Variants in AKAP11 observed in about 807,000 individuals in gnomAD.
AKAP11 encodes A-kinase anchoring protein 11.
AKAP11 carries 36 observed loss-of-function variants against 146.1 expected under a neutral mutation model. The observed-to-expected ratio is 0.25, with a 90% CI of 0.19 to 0.33. The LOEUF (loss-of-function observed/expected upper bound fraction) is 0.33. Among genes scored for constraint, AKAP11 ranks in the 10% least tolerant of loss-of-function variants. AKAP11 has a pLI of 1.00. For synonymous variants in AKAP11, 780 were observed against 786.5 expected (o/e 0.99, Z 0.14); for missense variants, 2,201 against 2,197.0 (o/e 1.00, Z -0.04).
In AKAP11 at chr13:42,298,587, C is replaced by G. The variant is rs759263912; in HGVS notation, c.406C>G (p.Leu136Val). The part of the protein sequence containing the change: ...VMRVSPTSPR[L>V]RIDFIFSLLS... ...GAGAGTGTCACCTACATCACCAAGA[C>G]TTAGGATTGATTTTATCTTTAGTCT... The change falls in exon 7 of 13, where the codon CTT (leucine) becomes GTT (valine). Residue 136 changes from leucine (L) to valine (V), a missense_variant. Physicochemically the swap from Leu to Val is conservative, Grantham distance 32 (BLOSUM62 1). This residue lies in a region of AKAP11 where 331 missense variants were observed against 347.4 expected (regional missense o/e 0.95). Coordinates refer to ENST00000025301, the MANE Select transcript of AKAP11 (RefSeq NM_016248.4). The G allele has an allele frequency of 1.1e-5, 17 of 1,612,636 alleles. No individual in the cohort carries two copies. In the East Asian group the frequency reaches 3.8e-4, roughly 36 times the overall value.
At chr13:42,284,708 T>C (rs1480455867) in intron 1 of AKAP11, among the ~76,000 whole-genome samples, 2 of 152,218 alleles carry the variant, frequency 1.3e-5, no homozygotes, top group East Asian at 3.8e-4. Context: ...GTAAATACGG[T>C]ATCATATACA....
At chr13:42,311,108 C>A (rs1960540277) in intron 9 of AKAP11, among the ~76,000 whole-genome samples, 1 of 152,072 alleles carries the variant, frequency 6.6e-6, no homozygotes. Flanking sequence ...GCCAGATTTG[C>A]AGAATGTTTC....
intron 9 of AKAP11, among the ~76,000 whole-genome samples, chr13:42,309,529 A>G (rs1960446613): frequency 6.6e-6 from 1 of 152,182 alleles, no homozygotes; most frequent in South Asian, 2.1e-4. Context: ...TTTTCACCTG[A>G]TAGAACACTT....
chr13:42,313,055 A>ACAG lies in AKAP11; in HGVS notation c.5286_5288dup (p.Ser1764dup). Reference sequence around the variant, plus strand: ...TTTTCTTCCTCTGGCAGTAATGGTAACAGCAGTAGCTGGAGCAGTCTTGGT... The same window carrying ACAG: ...TTTTCTTCCTCTGGCAGTAATGGTAACAGCAGCAGTAGCTGGAGCAGTCTTGGT... On this transcript the variant is annotated inframe_insertion, in exon 10 of 13. Transcript: ENST00000025301. The ACAG allele has an allele frequency of 6.2e-7, 1 of 1,612,892 alleles. No individual in the cohort carries two copies. Among genetic ancestry groups the ACAG allele is most frequent in the Non-Finnish European group, 8.5e-7 (1 of 1,179,454 alleles).
Position 42,299,374 on chromosome 13 carries a change from A to G in AKAP11, c.628A>G (p.Thr210Ala). 6.2e-7 allele frequency: 1 copy of G among 1,610,758 alleles called. No individual in the cohort carries two copies. Among genetic ancestry groups the G allele is most frequent in the Non-Finnish European group, 8.5e-7 (1 of 1,178,714 alleles). The change falls in exon 8 of 13, where the codon ACT (threonine) becomes GCT (alanine). Residue 210 changes from threonine to alanine, a missense_variant. Transcript: ENST00000025301. The part of the protein sequence containing the change: ...SKPYNDGMNI[T>A]VLRSQCDAAS... Reference sequence around the variant, plus strand: ...TTCTTTTCCTATAGGAATGAACATTACTGTGCTAAGGAGCCAGTGTGATGC... The same window carrying G: ...TTCTTTTCCTATAGGAATGAACATTGCTGTGCTAAGGAGCCAGTGTGATGC...
rs1959984332 is a variant in AKAP11, at chr13:42,302,449, G to T, written c.3703G>T (p.Val1235Leu). ...EPKVKNPCLN[V>L]QSQRSVSPTF... ...CAAGGTTAAAAACCCTTGCTTAAAT[G>T]TGCAAAGTCAAAGAAGTGTGTCGCC... The change falls in exon 8 of 13, where the codon GTG becomes TTG. Residue 1235 changes from valine to leucine, a missense_variant. Physicochemically the swap from Val to Leu is conservative, Grantham distance 32. Transcript: ENST00000025301. The T allele has an allele frequency of 1.2e-6, 2 of 1,614,172 alleles. No individual in the cohort carries two copies. Among genetic ancestry groups the T allele is most frequent in the Admixed American group, 3.3e-5 (2 of 60,030 alleles).
chr13:42,287,179 G>C (rs561660856), intron 3 of AKAP11, among the ~76,000 whole-genome samples: 1 of 152,262 alleles, frequency 6.6e-6, no homozygotes, highest in South Asian at 2.1e-4. Flanking sequence ...TTTATGTAGA[G>C]AGCTAAAAGA....
chr13:42,316,717 G>A (rs1594363358), intron 11 of AKAP11, among the ~76,000 whole-genome samples: 1 of 152,212 alleles, frequency 6.6e-6, no homozygotes, highest in East Asian at 1.9e-4. Context: ...CTTTGCCTCA[G>A]ATCTCTCACC....
Position 42,300,249 on chromosome 13 carries a change from C to A in AKAP11, c.1503C>A (p.Gly501=), listed in dbSNP as rs1282195354. Residue 501 remains glycine (G), a synonymous_variant, in exon 8 of 13, where the codon GGC becomes GGA. Transcript: ENST00000025301. The stretch of plus-strand genomic sequence containing the variant: ...AAAGCATTTCATGTGAAGTACTAGG[C>A]TCAGTTCTTCGTACCCACCATACTA... ...YAKSISCEVL[G]SVLRTHHTNT... is the part of the protein sequence containing the mutation. 1 of 1,613,858 alleles carries A rather than the reference C, an allele frequency of 6.2e-7. No individual in the cohort carries two copies. Among genetic ancestry groups the A allele is most frequent in the Non-Finnish European group, 8.5e-7 (1 of 1,179,858 alleles).
intron 11 of AKAP11, among the ~76,000 whole-genome samples, chr13:42,315,861 T>A (rs1043223837): frequency 1.1e-4 from 17 of 152,256 alleles, no homozygotes; most frequent in East Asian, 1.9e-4. Context: ...CTTATTTTTT[T>A]AAAAAAATAA....
In AKAP11 at chr13:42,319,207, T is replaced by C. The variant is rs760344920; in HGVS notation, c.5685T>C (p.Asp1895=). The change falls in exon 13 of 13, where the codon GAT becomes GAC. Residue 1895 remains aspartate, a synonymous_variant. Coordinates refer to ENST00000025301, the MANE Select transcript of AKAP11 (RefSeq NM_016248.4). ...AGGAGAGATGCAAGTCGCTGTTTGA[T>C]TGGCTCTTGGAAAATGCATAGAGCA... ...SSEERCKSLF[D]WLLENA is the part of the protein sequence containing the mutation. 7 of 1,613,840 alleles carry C rather than the reference T, an allele frequency of 4.3e-6. No homozygotes were observed. Among genetic ancestry groups the C allele is most frequent in the African/African-American group, 4.0e-5 (3 of 74,936 alleles).
rs149629299 is a variant in AKAP11, at chr13:42,315,642, G to A, written c.5404+1702G>A. On this transcript the variant is annotated intron_variant, in intron 11 of 12. Coordinates refer to ENST00000025301, the MANE Select transcript of AKAP11 (RefSeq NM_016248.4). ...AAAGATTACTTTTGGCACTAACCAG[G>A]CTGTTAAGGATTTCTTTTGTAGTTG... is the stretch of plus-strand genomic sequence containing the variant. Among the ~76,000 whole-genome samples, 1,234 of 152,182 alleles carry A rather than the reference G, an allele frequency of 8.1e-3. 11 individuals are homozygous for A. Among genetic ancestry groups the A allele is most frequent in the South Asian group, 0.035 (169 of 4,808 alleles).
At chr13:42,294,463 C>T (rs939411693) in intron 4 of AKAP11, among the ~76,000 whole-genome samples, 5 of 151,828 alleles carry the variant, frequency 3.3e-5, no homozygotes, top group Admixed American at 1.3e-4. Flanking sequence ...AGTGCAGTGG[C>T]GTGATTTCAG....
At position 42,303,388 on chromosome 13, in the gene AKAP11, G is replaced by C; in HGVS notation, c.4642G>C (p.Val1548Leu). 4 of 1,613,820 alleles carry C rather than the reference G, an allele frequency of 2.5e-6. No homozygotes were observed. The highest frequency in any genetic ancestry group is 3.4e-6 in the Non-Finnish European group (4 of 1,180,044). Residue 1548 changes from valine (V) to leucine (L), a missense_variant, in exon 8 of 13, where the codon GTG becomes CTG. Physicochemically the swap from Val to Leu is conservative, Grantham distance 32 (BLOSUM62 1). Around this residue, in one of 3 missense-constraint regions of AKAP11, gnomAD observed 1,867 missense variants for 1,833.5 expected, o/e 1.02. Coordinates refer to ENST00000025301, the MANE Select transcript of AKAP11 (RefSeq NM_016248.4). ...TGTAGAACAGTATGCCAAAAAAGTAGTGGATGACACTCTAGAGCTAACTCT... is the reference window on the plus strand; with the variant it reads ...TGTAGAACAGTATGCCAAAAAAGTACTGGATGACACTCTAGAGCTAACTCT... ...QAVEQYAKKV[V>L]DDTLELTLGS...
intron 12 of AKAP11, 152 bp from the exon 13 acceptor site, chr13:42,318,936 C>T (rs184741807): frequency 1.0e-4 from 88 of 856,580 alleles, no homozygotes; most frequent in Non-Finnish European, 1.3e-4. Context: ...AAAGGGGTAG[C>T]GGTTTAGAGG....
rs761239198 is a variant in AKAP11, at chr13:42,302,942, C to T, written c.4196C>T (p.Pro1399Leu). The T allele has an allele frequency of 1.2e-6, 2 of 1,613,680 alleles. No homozygotes were observed. Among genetic ancestry groups the T allele is most frequent in the East Asian group, 4.5e-5 (2 of 44,860 alleles). ...VQCNSRMFPV[P>L]SSQVKTNKEL... ...TGCAACTCAAGAATGTTCCCTGTGC[C>T]AAGTTCACAAGTGAAAACAAACAAG... The change falls in exon 8 of 13, where the codon CCA (proline) becomes CTA (leucine). Residue 1399 changes from proline (P) to leucine (L), a missense_variant. Transcript: ENST00000025301.
chr13:42,318,795 G>A (rs1960949842), intron 12 of AKAP11, among the ~76,000 whole-genome samples: 1 of 152,150 alleles, frequency 6.6e-6, no homozygotes, highest in South Asian at 2.1e-4. Flanking sequence ...TAGAAACTCA[G>A]CCTCTGCATG....
chr13:42,312,956 G>T, intron 9 of AKAP11, 91 bp from the exon 10 acceptor site: 1 of 1,052,690 alleles, frequency 9.5e-7, no homozygotes, highest in South Asian at 1.4e-5. Flanking sequence ...AACATCTGCA[G>T]TTATCAAGGA....
intron 1 of AKAP11, among the ~76,000 whole-genome samples, chr13:42,284,631 G>C (rs1222819849): frequency 6.6e-6 from 1 of 152,096 alleles, no homozygotes; most frequent in Non-Finnish European, 1.5e-5. Flanking sequence ...TTTTGCCTGT[G>C]TTTTATAGTT....
Sources: gnomAD v4.1 joint callset for allele counts (sites outside exome capture counted in the v4.1 genomes callset) on GRCh38, gnomAD v4.1.1 for gene constraint, gnomAD v4.1.1 regional missense constraint, MANE v1.5 for transcripts, NCBI Gene and HGNC (gene_info 2026-07-23, HGNC 2026-07-21) for gene names.